USP48: variants seen among roughly 807,000 people sequenced by gnomAD.
The protein encoded by USP48 is ubiquitin carboxyl-terminal hydrolase 48.
USP48 carries 43 observed loss-of-function variants against 150.7 expected under a neutral mutation model. The observed-to-expected ratio is 0.29, with a 90% CI of 0.22 to 0.37. The LOEUF is 0.37. USP48 is among the 10% of genes least tolerant of loss of function. USP48 has a pLI of 1.00. For synonymous variants in USP48, 396 were observed against 425.9 expected (o/e 0.93, Z 0.86); for missense variants, 813 against 1,249.6 (o/e 0.65, Z 5.27).
At chr1:21,754,904 G>A (rs1241352972) in intron 3 of USP48, among the ~76,000 whole-genome samples, 1 of 152,148 alleles carries the variant, frequency 6.6e-6, no homozygotes, top group African/African-American at 2.4e-5. Context: ...CAGCCACCCA[G>A]TGCATCCCAG....
At chr1:21,683,535 C>T (rs1283076498) in intron 25 of USP48, among the ~76,000 whole-genome samples, 1 of 152,118 alleles carries the variant, frequency 6.6e-6, no homozygotes. Flanking sequence ...CAGGTGCGAG[C>T]CACCATGCCT....
At position 21,706,725 on chromosome 1, in the gene USP48, T is replaced by A; in HGVS notation, c.2088+19A>T. 6.2e-7 allele frequency: 1 copy of A among 1,611,868 alleles called. No individual in the cohort carries two copies. Among genetic ancestry groups the A allele is most frequent in the Non-Finnish European group, 8.5e-7 (1 of 1,179,236 alleles). ...GGAGGTGGCATGCCATTTCCCCAGA[T>A]GTCAGTAGCGTTCAGTACCTTGCAC... is the stretch of plus-strand genomic sequence containing the variant. On this transcript the variant is annotated intron_variant, in intron 16 of 26. Coordinates refer to ENST00000308271, the MANE Select transcript of USP48 (RefSeq NM_032236.8).
chr1:21,764,798 C>T (rs2152626333), intron 1 of USP48, among the ~76,000 whole-genome samples: 1 of 152,040 alleles, frequency 6.6e-6, no homozygotes, highest in East Asian at 1.9e-4. Context: ...TTAGTCCTCT[C>T]CCCTCCCAGA....
At chr1:21,747,390 T>G (rs576092078) in intron 7 of USP48, among the ~76,000 whole-genome samples, 74 of 152,336 alleles carry the variant, frequency 4.9e-4, no homozygotes, top group African/African-American at 1.7e-3. Context: ...AGTTTCAACT[T>G]AATCACAAAA....
chr1:21,732,671 C>T, intron 9 of USP48: 1 of 368,380 alleles, frequency 2.7e-6, no homozygotes, highest in East Asian at 8.6e-5. Flanking sequence ...TACTATATTC[C>T]ATTAGAATAA....
chr1:21,742,778 A>T (rs2097785226), intron 8 of USP48, among the ~76,000 whole-genome samples: 1 of 152,120 alleles, frequency 6.6e-6, no homozygotes, highest in Non-Finnish European at 1.5e-5. Flanking sequence ...CCTGACAGAA[A>T]TAAACCTAAA....
intron 9 of USP48, among the ~76,000 whole-genome samples, chr1:21,731,873 G>GA (rs1375216051): frequency 6.6e-6 from 1 of 151,482 alleles, no homozygotes; most frequent in African/African-American, 2.4e-5. Flanking sequence ...TCTCCAAAAA[G>GA]AAAAAACAAA....
chr1:21,682,442 T>A (rs2097568479), intron 25 of USP48, among the ~76,000 whole-genome samples: 1 of 149,450 alleles, frequency 6.7e-6, no homozygotes, highest in African/African-American at 2.5e-5. Context: ...TCCTATTGTT[T>A]GCTTTTTTTT....
chr1:21,721,717 G>GCAATATGC lies in USP48; in HGVS notation c.1688_1695dup (p.Arg566AlafsTer5). The GCAATATGC allele has an allele frequency of 6.2e-7, 1 of 1,608,032 alleles. No individual in the cohort carries two copies. Among genetic ancestry groups the GCAATATGC allele is most frequent in the Non-Finnish European group, 8.5e-7 (1 of 1,176,514 alleles). On this transcript the variant is annotated frameshift_variant, in exon 13 of 27. Coordinates refer to ENST00000308271, the MANE Select transcript of USP48 (RefSeq NM_032236.8). LOFTEE classifies it high-confidence loss of function. ...TCTTCATTTAGTTGGTTCTTCAGACGCAATATGCGACAACGTTCTACTACA... is the reference window on the plus strand; with the variant it reads ...TCTTCATTTAGTTGGTTCTTCAGACGCAATATGCCAATATGCGACAACGTTCTACTACA...
chr1:21,761,689 G>A (rs1466980524), intron 1 of USP48, among the ~76,000 whole-genome samples: 3 of 152,128 alleles, frequency 2.0e-5, no homozygotes, highest in Admixed American at 6.6e-5. Context: ...AGGAGTTGGA[G>A]GCTGCAATGA....
At chr1:21,737,997 A>G (rs1447865484) in intron 8 of USP48, among the ~76,000 whole-genome samples, 1 of 152,096 alleles carries the variant, frequency 6.6e-6, no homozygotes, top group Non-Finnish European at 1.5e-5. Flanking sequence ...TCCTGGGCTT[A>G]AACAATCCTC....
At position 21,756,565 on chromosome 1, in the gene USP48, G is replaced by A. The variant is rs748616020; in HGVS notation, c.393C>T (p.Asp131=). ...PSTCSDYMLG[D]GIQEEKDYEP... ...ACCCACCTTTTTCTTCTTGGATGCC[G>A]TCTCCCAGCATGTAGTCACTACAAG... Residue 131 remains aspartate (D), a synonymous_variant, in exon 3 of 27, where the codon GAC becomes GAT. Coordinates refer to ENST00000308271, the MANE Select transcript of USP48 (RefSeq NM_032236.8). The A allele has an allele frequency of 1.8e-5, 28 of 1,578,310 alleles. No individual in the cohort carries two copies. Among genetic ancestry groups the A allele is most frequent in the African/African-American group, 5.6e-5 (4 of 71,196 alleles).
In USP48 at chr1:21,741,549, G is replaced by A. The variant is rs540168871; in HGVS notation, c.992-4924C>T. 5.0e-4 allele frequency among the ~76,000 whole-genome samples: 76 copies of A among 152,276 alleles called. No homozygotes were observed. In the South Asian group the frequency reaches 0.015, roughly 30 times the overall value. The stretch of plus-strand genomic sequence containing the variant: ...GAATTTTGTAAGCTCTAATTCAATA[G>A]TTTAAAACTCTTCCAGATGGAAGGT... On this transcript the variant is annotated intron_variant, in intron 8 of 26. Coordinates refer to ENST00000308271, the MANE Select transcript of USP48 (RefSeq NM_032236.8).
intron 22 of USP48, 118 bp downstream of exon 22, chr1:21,701,380 A>G: frequency 4.6e-5 from 34 of 736,222 alleles, no homozygotes; most frequent in Middle Eastern, 2.5e-4. Flanking sequence ...AAAAAAAAAA[A>G]AGAAAAAAAA....
At chr1:21,691,390 T>C (rs529885809) in intron 23 of USP48, among the ~76,000 whole-genome samples, 1 of 152,006 alleles carries the variant, frequency 6.6e-6, no homozygotes, top group African/African-American at 2.4e-5. Context: ...TACCAGCACT[T>C]TGAGAGGCTG....
intron 14 of USP48, among the ~76,000 whole-genome samples, chr1:21,719,289 TAA>T (rs768685471): frequency 3.3e-5 from 4 of 119,848 alleles, no homozygotes; most frequent in Admixed American, 8.3e-5. Context: ...CTCAAAAAAG[TAA>T]AAAAAAAAAA....
chr1:21,760,718 A>G (rs2097847896), intron 1 of USP48, among the ~76,000 whole-genome samples: 1 of 151,948 alleles, frequency 6.6e-6, no homozygotes, highest in Non-Finnish European at 1.5e-5. Context: ...CTCTATCTCA[A>G]AAAAAATAAA....
intron 1 of USP48, among the ~76,000 whole-genome samples, chr1:21,774,149 A>T (rs2152648043): frequency 6.6e-6 from 1 of 151,284 alleles, no homozygotes; most frequent in South Asian, 2.1e-4. Context: ...ACTGCACTCC[A>T]GCCTGGGTGA....
chr1:21,697,245 C>T (rs2097637020), intron 22 of USP48, among the ~76,000 whole-genome samples: 1 of 151,672 alleles, frequency 6.6e-6, no homozygotes, highest in Non-Finnish European at 1.5e-5. Context: ...AGCTCTAGCC[C>T]TGAATCTACA....
Sources: gnomAD v4.1 joint callset for allele counts (sites outside exome capture counted in the v4.1 genomes callset) on GRCh38, gnomAD v4.1.1 for gene constraint, MANE v1.5 for transcripts, NCBI Gene and HGNC (gene_info 2026-07-23, HGNC 2026-07-21) for gene names.